UBXN2A: variants seen among roughly 807,000 people sequenced by gnomAD.
UBXN2A encodes the protein UBX domain-containing protein 2A.
A neutral mutation model predicts 28.4 loss-of-function variants in UBXN2A; 28 were observed. The observed-to-expected ratio is 0.99, with a 90% CI of 0.73 to 1.35. The LOEUF is 1.35. Ranked by LOEUF, UBXN2A falls within the 40% of genes most tolerant of loss-of-function variation. The probability of loss-of-function intolerance (pLI) is 0.00; values close to 1 mark genes in which losing one functional copy is unlikely to be tolerated. For synonymous variants in UBXN2A, 97 were observed against 103.6 expected, an observed-to-expected ratio of 0.94 and a Z score of 0.39; for missense variants, 253 against 297.9, an observed-to-expected ratio of 0.85 and a Z score of 1.11.
chr2:23,932,134 A>G (rs1463676119), intron 1 of UBXN2A, among the ~76,000 whole-genome samples: 1 of 152,124 alleles, frequency 6.6e-6, no homozygotes, highest in Non-Finnish European at 1.5e-5. Flanking sequence ...CCTGGCCAAC[A>G]TGGTGAAACC....
intron 1 of UBXN2A, among the ~76,000 whole-genome samples, chr2:23,949,415 CA>C (rs1420766731): frequency 6.6e-6 from 1 of 151,782 alleles, no homozygotes; most frequent in Non-Finnish European, 1.5e-5. Context: ...ACTAAAAATA[CA>C]AAACATTAGC....
chr2:23,970,975 CA>C (rs140656614), intron 2 of UBXN2A, among the ~76,000 whole-genome samples: 348 of 152,260 alleles, frequency 2.3e-3, no homozygotes, highest in African/African-American at 8.0e-3. Context: ...ACCTGCTGTG[CA>C]ACCTGGTTTC....
rs1706315371 is a variant in UBXN2A at position 23,950,574 on chromosome 2, T to C, written c.-14-7727T>C. On this transcript the variant is annotated intron_variant, in intron 1 of 6. Transcript: ENST00000309033. ...CCCTCCACCATGCCTGGCTAATTTT[T>C]TGTATTTTTAGTAGAGATGGGGTTT... is the stretch of plus-strand genomic sequence containing the variant. Among the ~76,000 whole-genome samples the C allele has an allele frequency of 2.0e-5, 3 of 151,920 alleles. No homozygotes were observed. In the South Asian group the frequency reaches 6.3e-4, roughly 32 times the overall value.
intron 1 of UBXN2A, among the ~76,000 whole-genome samples, chr2:23,954,198 AC>A (rs1267905606): frequency 6.6e-6 from 1 of 151,812 alleles, no homozygotes; most frequent in African/African-American, 2.4e-5. Flanking sequence ...ATCCCTAGTA[AC>A]CTCTGTCCTA....
chr2:23,989,967 C>T (rs1297231004), intron 6 of UBXN2A, among the ~76,000 whole-genome samples: 1 of 152,154 alleles, frequency 6.6e-6, no homozygotes, highest in Admixed American at 6.5e-5. Context: ...CTAACTTCTA[C>T]AGTGCAAGGC....
intron 1 of UBXN2A, among the ~76,000 whole-genome samples, chr2:23,945,307 T>C (rs933955518): frequency 3.9e-5 from 6 of 152,208 alleles, no homozygotes; most frequent in Non-Finnish European, 8.8e-5. Flanking sequence ...CATTAAAAAT[T>C]TCTAGGAAAG....
intron 6 of UBXN2A, among the ~76,000 whole-genome samples, chr2:23,993,082 C>T (rs1397009351): frequency 6.6e-6 from 1 of 152,132 alleles, no homozygotes; most frequent in Non-Finnish European, 1.5e-5. Context: ...TTCTAGACAG[C>T]TGGAATCACA....
Position 23,999,820 on chromosome 2 carries a change from CA to C in UBXN2A, c.734del (p.Gln245ArgfsTer18). 2 of 1,613,646 alleles carry C rather than the reference CA, an allele frequency of 1.2e-6. No individual in the cohort carries two copies. The highest frequency in any genetic ancestry group is 1.7e-6 in the Non-Finnish European group (2 of 1,179,912). On this transcript the variant is annotated frameshift_variant, in exon 7 of 7. Transcript: ENST00000309033. LOFTEE classifies it high-confidence loss of function. ...EADLQNAVII[Q>X]RLQKTASFRE... ...AGATTTACAGAATGCTGTCATCATT[CA>C]GAGACTCCAAAAAACTGCATCTTTT...
chr2:23,997,501 G>C (rs1017515009), intron 6 of UBXN2A, among the ~76,000 whole-genome samples: 9 of 152,004 alleles, frequency 5.9e-5, no homozygotes, highest in African/African-American at 1.9e-4. Flanking sequence ...GCCCAGGCTG[G>C]AGTGCAGTGG....
chr2:23,973,258 A>G (rs920789952), intron 3 of UBXN2A, among the ~76,000 whole-genome samples: 2 of 151,830 alleles, frequency 1.3e-5, no homozygotes, highest in Middle Eastern at 3.4e-3. Context: ...TGACCTTGTG[A>G]TCTGCCCACC....
upstream of UBXN2A, among the ~76,000 whole-genome samples, chr2:23,937,040 C>T (rs902145647): frequency 4.0e-5 from 6 of 151,612 alleles, no homozygotes; most frequent in African/African-American, 9.7e-5. Flanking sequence ...TTTCTTAAGT[C>T]TAGTAATAGA....
At chr2:23,975,582 GA>G (rs1238609529) in intron 3 of UBXN2A, among the ~76,000 whole-genome samples, 5 of 151,942 alleles carry the variant, frequency 3.3e-5, no homozygotes, top group Non-Finnish European at 7.4e-5. Context: ...GGCTTATGTT[GA>G]AAAAAGGCTT....
At chr2:23,976,026 T>C (rs1221404492) in intron 3 of UBXN2A, among the ~76,000 whole-genome samples, 1 of 152,216 alleles carries the variant, frequency 6.6e-6, no homozygotes, top group Non-Finnish European at 1.5e-5. Context: ...GTTATTGATT[T>C]TTCAGATTTT....
At chr2:23,982,547 G>A (rs1707956510) in intron 4 of UBXN2A, among the ~76,000 whole-genome samples, 1 of 152,032 alleles carries the variant, frequency 6.6e-6, no homozygotes, top group East Asian at 1.9e-4. Context: ...TATAATCCCA[G>A]CACTTTGGGA....
chr2:23,951,947 G>T (rs1706392931), intron 1 of UBXN2A, among the ~76,000 whole-genome samples: 1 of 149,444 alleles, frequency 6.7e-6, no homozygotes, highest in South Asian at 2.1e-4. Context: ...ATAGAGTTAT[G>T]ATTTCCTGAA....
At chr2:23,961,881 G>C (rs1706939971) in intron 2 of UBXN2A, among the ~76,000 whole-genome samples, 1 of 145,578 alleles carries the variant, frequency 6.9e-6, no homozygotes. Flanking sequence ...GTCTTGCTCT[G>C]TCACCCAGGC....
chr2:23,974,920 A>G (rs1707591562), intron 3 of UBXN2A, among the ~76,000 whole-genome samples: 1 of 152,048 alleles, frequency 6.6e-6, no homozygotes, highest in Admixed American at 6.6e-5. Flanking sequence ...CGGAGCTCGC[A>G]GTGAACCAAG....
At chr2:23,952,658 T>C (rs34304685) in intron 1 of UBXN2A, among the ~76,000 whole-genome samples, 18,241 of 152,058 alleles carry the variant, frequency 0.12, 1,160 homozygotes, top group Middle Eastern at 0.21. Context: ...TTGGCCAGGC[T>C]AGTCTTGAAC....
chr2:23,950,560 G>T (rs1445377865), intron 1 of UBXN2A, among the ~76,000 whole-genome samples: 1 of 151,542 alleles, frequency 6.6e-6, no homozygotes, highest in Non-Finnish European at 1.5e-5. Context: ...CCTCCACCAT[G>T]CCTGGCTAAT....
Sources: allele counts gnomAD v4.1 joint callset (sites outside exome capture counted in the v4.1 genomes callset), GRCh38; gene constraint gnomAD v4.1.1; transcripts MANE v1.5; gene names NCBI Gene and HGNC (gene_info 2026-07-23, HGNC 2026-07-21).